The following OCLN variants were observed in gnomAD, a reference collection of about 807,000 sequenced individuals.
OCLN encodes the protein phosphatase 1, regulatory subunit 115.
Under a neutral mutation model 47.9 loss-of-function variants are expected in OCLN, and 21 were observed. That is an observed-to-expected ratio of 0.44 (90% CI 0.31 to 0.63). The LOEUF (loss-of-function observed/expected upper bound fraction) is 0.63. Ranked by LOEUF, OCLN falls within the 30% of genes least tolerant of loss-of-function variation. OCLN has a pLI of 0.08. For missense variants in OCLN, 360 were observed against 571.0 expected, an observed-to-expected ratio of 0.63 and a Z score of 3.77; for synonymous variants, 117 against 198.4, an observed-to-expected ratio of 0.59 and a Z score of 3.45.
At chr5:69,517,741 A>G (rs1769016638) in intron 4 of OCLN, among the ~76,000 whole-genome samples, 1 of 152,168 alleles carries the variant, frequency 6.6e-6, no homozygotes, top group Non-Finnish European at 1.5e-5. Flanking sequence ...GTATGTATTC[A>G]CCACTGAGAC....
rs1768713561 is a variant in OCLN, at chr5:69,509,507, C to T, written c.417C>T (p.Gly139=). Residue 139 remains glycine, a synonymous_variant, in exon 3 of 9, where the codon GGC becomes GGT. Coordinates refer to ENST00000396442, the MANE Select transcript of OCLN (RefSeq NM_001205254.2). ...GGYTDPRAAK[G]FMLAMAAFCF... is the part of the protein sequence containing the mutation. ...ATACAGACCCAAGAGCAGCAAAGGG[C>T]TTCATGTTGGCCATGGCTGCCTTTT... The T allele has an allele frequency of 1.9e-6, 3 of 1,614,164 alleles. No homozygotes were observed. The highest frequency in any genetic ancestry group is 2.5e-6 in the Non-Finnish European group (3 of 1,180,026).
rs143229176 is a variant in OCLN, at chr5:69,526,666, G to GA, written c.892-8022dup. On this transcript the variant is annotated intron_variant, in intron 4 of 8. Coordinates refer to ENST00000396442, the MANE Select transcript of OCLN (RefSeq NM_001205254.2). ...TTAGAAAGGATCTCCAGCTGTGAAA[G>GA]AAAAAAGTAGAAAGGAGACTATTTA... Among the ~76,000 whole-genome samples the GA allele has an allele frequency of 1.7e-3, 260 of 151,804 alleles. 5 individuals are homozygous for GA. In the East Asian group the frequency reaches 0.045, roughly 26 times the overall value.
chr5:69,517,720 G>T (rs1214905996), intron 4 of OCLN, among the ~76,000 whole-genome samples: 1 of 152,280 alleles, frequency 6.6e-6, no homozygotes, highest in East Asian at 1.9e-4. Flanking sequence ...AGGAAAGCCA[G>T]GAAGGCTGTG....
At chr5:69,499,876 C>T (rs542267694) in intron 1 of OCLN, among the ~76,000 whole-genome samples, 273 of 152,322 alleles carry the variant, frequency 1.8e-3, no homozygotes, top group Admixed American at 3.4e-3. Context: ...TGAACCACTG[C>T]GCCCAGCTCT....
intron 1 of OCLN, among the ~76,000 whole-genome samples, chr5:69,502,985 CACTG>C (rs1768500617): frequency 6.6e-6 from 1 of 152,196 alleles, no homozygotes; most frequent in South Asian, 2.1e-4. Flanking sequence ...CTGAGTGACT[CACTG>C]ACATCCATAT....
intron 4 of OCLN, among the ~76,000 whole-genome samples, chr5:69,521,114 G>C (rs1580570533): frequency 6.6e-6 from 1 of 152,208 alleles, no homozygotes. Context: ...TGGGATTACA[G>C]GCATGAGCCA....
chr5:69,497,660 C>T (rs929137865), intron 1 of OCLN, among the ~76,000 whole-genome samples: 11 of 152,078 alleles, frequency 7.2e-5, no homozygotes, highest in East Asian at 3.9e-4. Flanking sequence ...GGATTACAGG[C>T]GTGAGCCACG....
At position 69,534,847 on chromosome 5, in the gene OCLN, G is replaced by T; in HGVS notation, c.1037+8G>T. The T allele has an allele frequency of 2.0e-6, 3 of 1,472,282 alleles. No individual in the cohort carries two copies. The highest frequency in any genetic ancestry group is 2.8e-6 in the Non-Finnish European group (3 of 1,080,230). The allele number at this position is 1,472,282 out of a possible 1,614,324, so 91.2% of individuals were successfully genotyped here. ...TTCCTATAAATCCACGCCGTAAGTA[G>T]CATCTCTCTTAGTTTGATAGACTGA... On this transcript the variant is annotated splice_region_variant and intron_variant, in intron 5 of 8. Transcript: ENST00000396442.
intron 4 of OCLN, among the ~76,000 whole-genome samples, chr5:69,516,633 T>G (rs1768980371): frequency 6.6e-6 from 1 of 152,216 alleles, no homozygotes; most frequent in Non-Finnish European, 1.5e-5. Context: ...AAAGACAGAT[T>G]AGAAAAATTT....
chr5:69,531,500 A>G (rs1769430811), intron 4 of OCLN, among the ~76,000 whole-genome samples: 1 of 152,234 alleles, frequency 6.6e-6, no homozygotes, highest in Admixed American at 6.5e-5. Context: ...TTAAATTCTG[A>G]TAAGGTATTG....
At chr5:69,511,251 T>TG in intron 3 of OCLN, among the ~76,000 whole-genome samples, 1 of 151,206 alleles carries the variant, frequency 6.6e-6, no homozygotes, top group Middle Eastern at 3.4e-3. Context: ...ATTTTTTTTT[T>TG]TTTTTGTATT....
intron 5 of OCLN, among the ~76,000 whole-genome samples, chr5:69,535,521 CG>C (rs1769557925): frequency 1.7e-5 from 1 of 58,678 alleles, no homozygotes; most frequent in African/African-American, 6.7e-5. Flanking sequence ...TTGGTATGGA[CG>C]GGGATGTAAT....
intron 4 of OCLN, among the ~76,000 whole-genome samples, chr5:69,529,844 C>T (rs1769382136): frequency 6.6e-6 from 1 of 152,086 alleles, no homozygotes. Context: ...TTCAGGTGAT[C>T]CCTCCTGCCT....
At chr5:69,533,530 A>G (rs998338949) in intron 4 of OCLN, among the ~76,000 whole-genome samples, 3 of 152,186 alleles carry the variant, frequency 2.0e-5, no homozygotes, top group East Asian at 3.8e-4. Context: ...AGATAACTAC[A>G]TAGCTCAAGG....
chr5:69,533,987 T>A (rs2112062613), intron 4 of OCLN, among the ~76,000 whole-genome samples: 1 of 152,146 alleles, frequency 6.6e-6, no homozygotes, highest in Admixed American at 6.5e-5. Flanking sequence ...TAATGCATGT[T>A]ACTTTTGTAG....
intron 4 of OCLN, among the ~76,000 whole-genome samples, chr5:69,514,670 G>A (rs545127768): frequency 2.4e-4 from 36 of 149,794 alleles, no homozygotes; most frequent in South Asian, 4.3e-4. Flanking sequence ...AGGACCCTGC[G>A]GCCTTCTGCA....
intron 1 of OCLN, among the ~76,000 whole-genome samples, chr5:69,502,045 A>G (rs970797096): frequency 6.6e-6 from 1 of 152,082 alleles, no homozygotes; most frequent in Non-Finnish European, 1.5e-5. Context: ...TAAAAATACA[A>G]ACAATTAGCC....
At chr5:69,524,672 A>G (rs1048843362) in intron 4 of OCLN, among the ~76,000 whole-genome samples, 1 of 152,188 alleles carries the variant, frequency 6.6e-6, no homozygotes, top group Non-Finnish European at 1.5e-5. Context: ...TACAACTGCC[A>G]TGAACATTTT....
intron 4 of OCLN, among the ~76,000 whole-genome samples, chr5:69,514,548 A>C (rs1242532734): frequency 6.8e-6 from 1 of 146,822 alleles, no homozygotes; most frequent in Non-Finnish European, 1.5e-5. Flanking sequence ...TTTTTTATTG[A>C]TCATTCTTGG....
Sources: gnomAD v4.1 joint callset for allele counts (sites outside exome capture counted in the v4.1 genomes callset) on GRCh38, gnomAD v4.1.1 for gene constraint, MANE v1.5 for transcripts, NCBI Gene and HGNC (gene_info 2026-07-23, HGNC 2026-07-21) for gene names.